FRMD4A: variants seen among roughly 807,000 people sequenced by gnomAD.
FRMD4A encodes FERM domain-containing protein 4A.
A neutral mutation model predicts 129.1 loss-of-function variants in FRMD4A; 29 were observed. The ratio of observed to expected loss-of-function variants is 0.22; its 90% CI spans 0.17 to 0.31. The LOEUF is 0.31. FRMD4A is among the 10% of genes least tolerant of loss of function. FRMD4A has a pLI of 1.00. For missense variants in FRMD4A, 1,272 were observed against 1,375.8 expected (o/e 0.92, Z 1.19); for synonymous variants, 634 against 571.6 (o/e 1.11, Z -1.56).
intron 2 of FRMD4A, among the ~76,000 whole-genome samples, chr10:13,887,530 T>G (rs552871754): frequency 1.3e-5 from 2 of 152,008 alleles, no homozygotes; most frequent in South Asian, 4.2e-4. Flanking sequence ...AATACAAAAA[T>G]TAGCTGGGCG....
intron 12 of FRMD4A, among the ~76,000 whole-genome samples, chr10:13,724,154 C>T (rs2089695760): frequency 1.3e-5 from 2 of 152,026 alleles, no homozygotes. Flanking sequence ...TTTGGGAGGA[C>T]GAGGCAGGCG....
intron 2 of FRMD4A, among the ~76,000 whole-genome samples, chr10:14,266,994 G>A (rs1030680787): frequency 6.6e-6 from 1 of 152,206 alleles, no homozygotes; most frequent in Non-Finnish European, 1.5e-5. Flanking sequence ...TTAAGTTTTA[G>A]TGTCACTAGT....
intron 2 of FRMD4A, among the ~76,000 whole-genome samples, chr10:14,104,378 C>G (rs556884005): frequency 6.6e-6 from 1 of 152,252 alleles, no homozygotes; most frequent in Non-Finnish European, 1.5e-5. Context: ...CTTCCCTGCT[C>G]TAGATCTCTT....
chr10:14,106,167 T>G (rs1470316493), intron 2 of FRMD4A, among the ~76,000 whole-genome samples: 1 of 152,242 alleles, frequency 6.6e-6, no homozygotes, highest in Non-Finnish European at 1.5e-5. Context: ...ACTGATGAAT[T>G]TATTTAAAGC....
rs745789956 is a variant in FRMD4A, at chr10:13,660,347, C to T, written c.1867G>A (p.Val623Ile). Residue 623 changes from valine (V) to isoleucine (I), a missense_variant, in exon 20 of 25, where the codon GTC becomes ATC. By Grantham distance (29) the Val-to-Ile change is conservative. This residue lies in a region of FRMD4A where 972 missense variants were observed against 892.3 expected (regional missense o/e 1.09). Transcript: ENST00000357447. Reference protein sequence around the residue: ...ESSLDEPYEKVKKRSSHSHSS... With the variant: ...ESSLDEPYEKIKKRSSHSHSS... ...TGGCTGTGAGAGGAGCGCTTCTTGA[C>T]CTTCTCATAGGGTTCATCTAAAGAG... 6.2e-7 allele frequency: 1 copy of T among 1,613,828 alleles called. No individual in the cohort carries two copies. The highest frequency in any genetic ancestry group is 8.5e-7 in the Non-Finnish European group (1 of 1,179,710).
chr10:14,301,115 T>C (rs1846171325), intron 2 of FRMD4A, among the ~76,000 whole-genome samples: 2 of 152,228 alleles, frequency 1.3e-5, no homozygotes, highest in Non-Finnish European at 2.9e-5. Context: ...GATTCTCTGG[T>C]TGACATATTG....
intron 12 of FRMD4A, among the ~76,000 whole-genome samples, chr10:13,709,067 A>T (rs1253956116): frequency 6.6e-6 from 1 of 152,124 alleles, no homozygotes; most frequent in East Asian, 1.9e-4. Flanking sequence ...GGTTCAAGCG[A>T]TTCTTGTGCC....
At chr10:14,243,392 A>G (rs1045015742) in intron 2 of FRMD4A, among the ~76,000 whole-genome samples, 3 of 152,132 alleles carry the variant, frequency 2.0e-5, no homozygotes, top group Non-Finnish European at 2.9e-5. Context: ...GCCTGCCACC[A>G]TGTAAGATGT....
At chr10:14,305,122 A>G (rs1263470394) in intron 2 of FRMD4A, among the ~76,000 whole-genome samples, 1 of 152,214 alleles carries the variant, frequency 6.6e-6, no homozygotes, top group African/African-American at 2.4e-5. Flanking sequence ...TCTTTCAGCT[A>G]CCAATACCTA....
At chr10:13,661,383 A>G (rs2082629002) in intron 19 of FRMD4A, among the ~76,000 whole-genome samples, 1 of 152,158 alleles carries the variant, frequency 6.6e-6, no homozygotes, top group African/African-American at 2.4e-5. Context: ...GGCTTGAACC[A>G]AAGTGTGGAG....
chr10:14,174,865 AAGTGTGTGTGTGTCTGT>A (rs930984054), intron 2 of FRMD4A, among the ~76,000 whole-genome samples: 8 of 136,846 alleles, frequency 5.8e-5, no homozygotes, highest in South Asian at 2.4e-4. Context: ...TTAAAAAAAA[AAGTGTGTGTGTGTCTGT>A]GTGTGTGTGT....
chr10:13,702,040 C>T (rs1323605156), intron 13 of FRMD4A, among the ~76,000 whole-genome samples: 1 of 152,110 alleles, frequency 6.6e-6, no homozygotes, highest in African/African-American at 2.4e-5. Context: ...GAGAAATGTG[C>T]CCAGCCCCAA....
At chr10:14,292,226 G>A (rs758254776) in intron 2 of FRMD4A, among the ~76,000 whole-genome samples, 9 of 152,192 alleles carry the variant, frequency 5.9e-5, no homozygotes, top group Non-Finnish European at 1.2e-4. Context: ...AGGAGGATTC[G>A]TCTTGCAGAT....
intron 2 of FRMD4A, among the ~76,000 whole-genome samples, chr10:14,002,714 C>T (rs938843285): frequency 6.6e-6 from 1 of 152,016 alleles, no homozygotes; most frequent in African/African-American, 2.4e-5. Context: ...TAAAGGGATC[C>T]TAGAGTACTA....
At chr10:14,036,444 G>C (rs536027694) in intron 2 of FRMD4A, among the ~76,000 whole-genome samples, 3 of 152,312 alleles carry the variant, frequency 2.0e-5, no homozygotes, top group Non-Finnish European at 4.4e-5. Context: ...TTCCTGTTCG[G>C]AGTCTGCAGA....
intron 2 of FRMD4A, among the ~76,000 whole-genome samples, chr10:14,214,112 C>T (rs187490850): frequency 3.3e-5 from 5 of 152,374 alleles, no homozygotes; most frequent in Admixed American, 3.3e-4. Flanking sequence ...CCTCCCCAGC[C>T]ATGTGGAACT....
intron 2 of FRMD4A, among the ~76,000 whole-genome samples, chr10:14,196,309 C>T (rs188792601): frequency 2.3e-3 from 356 of 152,274 alleles, no homozygotes; most frequent in African/African-American, 8.0e-3. Context: ...AAACTTGACC[C>T]ACCCTCCAAG....
At position 14,124,233 on chromosome 10, in the gene FRMD4A, T is replaced by C. The variant is rs1838700695; in HGVS notation, c.45+205825A>G. ...ATTCCAGCTTTCTCAAAATCTCCTT[T>C]TGTGAGCTTAGACATAATTACAGCA... is the stretch of plus-strand genomic sequence containing the variant. On this transcript the variant is annotated intron_variant, in intron 2 of 24. Coordinates refer to ENST00000357447, the MANE Select transcript of FRMD4A (RefSeq NM_018027.5). Among the ~76,000 whole-genome samples the C allele has an allele frequency of 2.6e-5, 4 of 152,152 alleles. No homozygotes were observed. In the East Asian group the frequency reaches 5.8e-4, roughly 22 times the overall value.
intron 2 of FRMD4A, among the ~76,000 whole-genome samples, chr10:14,310,459 C>T (rs1049122560): frequency 6.6e-6 from 1 of 152,206 alleles, no homozygotes; most frequent in Non-Finnish European, 1.5e-5. Flanking sequence ...AAAAATTGAG[C>T]TGCAAACATA....
Sources: allele counts gnomAD v4.1 joint callset (sites outside exome capture counted in the v4.1 genomes callset), GRCh38; gene constraint gnomAD v4.1.1; regional missense constraint gnomAD v4.1.1; transcripts MANE v1.5; gene names NCBI Gene and HGNC (gene_info 2026-07-23, HGNC 2026-07-21).